Variants in RIMBP2 observed in about 807,000 individuals in gnomAD.
The protein encoded by RIMBP2 is RIMS-binding protein 2.
RIMBP2 carries 48 observed loss-of-function variants against 118.6 expected under a neutral mutation model. The ratio of observed to expected loss-of-function variants is 0.40; its 90% CI spans 0.32 to 0.51. The LOEUF is 0.51. RIMBP2 is among the 20% of genes least tolerant of loss of function. The pLI is 0.41. For missense variants in RIMBP2, 1,551 were observed against 1,768.3 expected (o/e 0.88, Z 2.20); for synonymous variants, 762 against 742.9 (o/e 1.03, Z -0.42).
chr12:130,568,300 C>T (rs2057376457), intron 2 of RIMBP2, among the ~76,000 whole-genome samples: 2 of 152,234 alleles, frequency 1.3e-5, no homozygotes, highest in Admixed American at 1.3e-4. Context: ...TCTTCTGTGG[C>T]TGTTTCTCAT....
At chr12:130,400,713 G>A (rs1374710769) in intron 21 of RIMBP2, among the ~76,000 whole-genome samples, 1 of 152,176 alleles carries the variant, frequency 6.6e-6, no homozygotes, top group Non-Finnish European at 1.5e-5. Context: ...GGGAGAAAAT[G>A]TCTGCAAGTC....
At chr12:130,637,857 C>A (rs753640524) in intron 1 of RIMBP2, among the ~76,000 whole-genome samples, 1 of 152,110 alleles carries the variant, frequency 6.6e-6, no homozygotes, top group Non-Finnish European at 1.5e-5. Context: ...TGGGTCCTGC[C>A]GGCTTTACTG....
chr12:130,626,054 G>A (rs1272454860), intron 2 of RIMBP2, among the ~76,000 whole-genome samples: 1 of 152,118 alleles, frequency 6.6e-6, no homozygotes, highest in Non-Finnish European at 1.5e-5. Context: ...AAATGAAAGG[G>A]TTTTGAAATA....
intron 1 of RIMBP2, chr12:130,651,320 T>C (rs1254882817): frequency 6.6e-6 from 1 of 152,140 alleles, no homozygotes; most frequent in African/African-American, 2.4e-5. Context: ...CATCCATTGT[T>C]AGAGGGGAAC....
chr12:130,608,245 C>A (rs2060303625), intron 2 of RIMBP2, among the ~76,000 whole-genome samples: 1 of 152,202 alleles, frequency 6.6e-6, no homozygotes. Context: ...AAACAACACA[C>A]AACAGGACAA....
rs1566071453 is a variant in RIMBP2 at position 130,456,556 on chromosome 12, T to C, written c.298A>G (p.Thr100Ala). The change falls in exon 7 of 23, where the codon ACG (threonine) becomes GCG (alanine). Residue 100 changes from threonine (T) to alanine (A), a missense_variant. Coordinates refer to ENST00000690449, the MANE Select transcript of RIMBP2 (RefSeq NM_001393629.1). ...GSAVAPLDIS[T>A]APSKPFPQFM... is the part of the protein sequence containing the mutation. ...TGTGGGAAAGGCTTGCTGGGGGCCG[T>C]GGAGATGTCCAGGGGGGCCACCGCG... 2.5e-6 allele frequency: 4 copies of C among 1,612,080 alleles called. No homozygotes were observed. The highest frequency in any genetic ancestry group is 2.7e-5 in the African/African-American group (2 of 74,880).
chr12:130,538,987 CT>C (rs1384729845), intron 2 of RIMBP2, among the ~76,000 whole-genome samples: 1 of 152,160 alleles, frequency 6.6e-6, no homozygotes, highest in East Asian at 1.9e-4. Context: ...ATGTCCACGG[CT>C]CTGCAGAGCT....
intron 2 of RIMBP2, among the ~76,000 whole-genome samples, chr12:130,539,953 G>C (rs1310964690): frequency 9.3e-6 from 1 of 107,602 alleles, no homozygotes; most frequent in African/African-American, 3.4e-5. Flanking sequence ...AAATGCAGTA[G>C]ATGAGGTGGC....
intron 4 of RIMBP2, among the ~76,000 whole-genome samples, chr12:130,498,107 C>G (rs981399066): frequency 2.6e-5 from 4 of 151,928 alleles, no homozygotes; most frequent in African/African-American, 9.7e-5. Flanking sequence ...CGGTCATTCT[C>G]CATGAAGGCA....
At chr12:130,524,553 C>T (rs1043658114) in intron 2 of RIMBP2, among the ~76,000 whole-genome samples, 8 of 152,138 alleles carry the variant, frequency 5.3e-5, no homozygotes, top group Non-Finnish European at 7.4e-5. Flanking sequence ...GGTTGGGTGG[C>T]GAGGACTTCA....
At chr12:130,488,475 A>C (rs1261332832) in intron 4 of RIMBP2, among the ~76,000 whole-genome samples, 1 of 152,152 alleles carries the variant, frequency 6.6e-6, no homozygotes, top group Non-Finnish European at 1.5e-5. Context: ...CCAGCCAAAA[A>C]AAAGAGAAAT....
chr12:130,591,089 A>G (rs1017313435), intron 2 of RIMBP2, among the ~76,000 whole-genome samples: 4 of 152,210 alleles, frequency 2.6e-5, no homozygotes, highest in African/African-American at 9.7e-5. Context: ...GTTACCAAAA[A>G]TGTTGATTAA....
intron 1 of RIMBP2, among the ~76,000 whole-genome samples, chr12:130,679,975 G>A (rs1284724911): frequency 9.9e-5 from 15 of 150,788 alleles, no homozygotes; most frequent in African/African-American, 3.2e-4. Flanking sequence ...GTGTTCGCCC[G>A]CCGTGGGAAG....
intron 9 of RIMBP2, among the ~76,000 whole-genome samples, chr12:130,448,904 T>G (rs1314691707): frequency 6.6e-6 from 1 of 152,246 alleles, no homozygotes; most frequent in African/African-American, 2.4e-5. Context: ...GCTGATCCTC[T>G]TAATGGTGTT....
intron 22 of RIMBP2, among the ~76,000 whole-genome samples, 186 bp downstream of exon 22, chr12:130,399,493 A>G (rs2074323330): frequency 6.6e-6 from 1 of 152,124 alleles, no homozygotes; most frequent in South Asian, 2.1e-4. Flanking sequence ...TTTTTTTGTA[A>G]AATGAGTAAG....
intron 1 of RIMBP2, among the ~76,000 whole-genome samples, chr12:130,649,422 G>T (rs1454445419): frequency 6.6e-6 from 1 of 152,212 alleles, no homozygotes; most frequent in Non-Finnish European, 1.5e-5. Context: ...GTACTGGGAA[G>T]GGCGGCGCCT....
intron 1 of RIMBP2, among the ~76,000 whole-genome samples, chr12:130,676,965 C>T (rs1173953926): frequency 6.6e-6 from 1 of 152,298 alleles, no homozygotes; most frequent in South Asian, 2.1e-4. Flanking sequence ...ATGCATTTGT[C>T]AGCACTCACA....
chr12:130,590,480 A>G (rs538269554), intron 2 of RIMBP2, among the ~76,000 whole-genome samples: 23 of 152,186 alleles, frequency 1.5e-4, no homozygotes, highest in Non-Finnish European at 2.6e-4. Context: ...GCAACATTCC[A>G]TGAAGTCTTC....
chr12:130,614,865 AAT>A (rs1316091898), intron 2 of RIMBP2, among the ~76,000 whole-genome samples: 1 of 149,600 alleles, frequency 6.7e-6, no homozygotes, highest in African/African-American at 2.4e-5. Context: ...AGATATATAA[AAT>A]ATATATGTAT....
Sources: allele counts gnomAD v4.1 joint callset (sites outside exome capture counted in the v4.1 genomes callset), GRCh38; gene constraint gnomAD v4.1.1; transcripts MANE v1.5; gene names NCBI Gene and HGNC (gene_info 2026-07-23, HGNC 2026-07-21).